DLG5: variants seen among roughly 807,000 people sequenced by gnomAD.
The protein encoded by DLG5 is discs large MAGUK scaffold protein 5.
In DLG5, 48 loss-of-function variants were observed where a neutral mutation model predicts 189.8. The observed-to-expected ratio is 0.25, with a 90% CI of 0.20 to 0.32. DLG5 has a LOEUF of 0.32. Among genes scored for constraint, DLG5 ranks in the 10% least tolerant of loss-of-function variants. The pLI is 1.00. For missense variants in DLG5, 2,160 were observed against 2,544.7 expected (o/e 0.85, Z 3.25); for synonymous variants, 1,016 against 1,054.1 (o/e 0.96, Z 0.70).
At chr10:77,835,509 C>A (rs974214469) in intron 8 of DLG5, among the ~76,000 whole-genome samples, 3 of 152,214 alleles carry the variant, frequency 2.0e-5, no homozygotes. Flanking sequence ...GGACATAGTA[C>A]ACACTTGGGA....
chr10:77,837,746 C>T (rs1318421657), intron 7 of DLG5, among the ~76,000 whole-genome samples: 1 of 152,230 alleles, frequency 6.6e-6, no homozygotes, highest in Non-Finnish European at 1.5e-5. Context: ...GTACTGGCTC[C>T]TCTACCCCAG....
Position 77,812,201 on chromosome 10 carries a change from C to A in DLG5, c.4188+14G>T. Reference sequence around the variant, plus strand: ...TTTCCATGGGCGCCATGCAGGAGGGCAGCTCCCTCTCACCTCCAGTAACTG... The same window carrying A: ...TTTCCATGGGCGCCATGCAGGAGGGAAGCTCCCTCTCACCTCCAGTAACTG... On this transcript the variant is annotated intron_variant, in intron 21 of 31. Coordinates refer to ENST00000372391, the MANE Select transcript of DLG5 (RefSeq NM_004747.4). 1 of 1,608,782 alleles carries A rather than the reference C, an allele frequency of 6.2e-7. No individual in the cohort carries two copies. Among genetic ancestry groups the A allele is most frequent in the Non-Finnish European group, 8.5e-7 (1 of 1,176,220 alleles).
At chr10:77,899,202 C>A (rs1056526755) in intron 1 of DLG5, among the ~76,000 whole-genome samples, 10 of 152,304 alleles carry the variant, frequency 6.6e-5, no homozygotes, top group African/African-American at 2.4e-4. Context: ...AGGCAGCCAT[C>A]CAGGCCCTCC....
chr10:77,900,451 T>G (rs991074930), intron 1 of DLG5, among the ~76,000 whole-genome samples: 4 of 152,178 alleles, frequency 2.6e-5, no homozygotes, highest in Non-Finnish European at 5.9e-5. Flanking sequence ...TGCTCTCAAG[T>G]TATCTCCTTC....
Position 77,914,600 on chromosome 10 carries a change from A to G in DLG5, c.304+11617T>C, listed in dbSNP as rs147820331. Reference sequence around the variant, plus strand: ...GACATTCAGATGTCTCCAGTCCCGCAGCCTTGCTCCCTGGCTCCAAACCCA... The same window carrying G: ...GACATTCAGATGTCTCCAGTCCCGCGGCCTTGCTCCCTGGCTCCAAACCCA... On this transcript the variant is annotated intron_variant, in intron 1 of 31. Coordinates refer to ENST00000372391, the MANE Select transcript of DLG5 (RefSeq NM_004747.4). Among the ~76,000 whole-genome samples the G allele has an allele frequency of 4.1e-3, 626 of 152,206 alleles. 4 individuals carry two copies. Among genetic ancestry groups the G allele is most frequent in the Middle Eastern group, 0.024 (7 of 294 alleles).
At chr10:77,867,785 T>C in intron 2 of DLG5, 1 of 363,002 alleles carries the variant, frequency 2.8e-6, no homozygotes. Context: ...AAAAGGGGAG[T>C]CCCGAGAGGG....
the DLG5 span, among the ~76,000 whole-genome samples, chr10:77,939,325 A>C: frequency 6.6e-6 from 1 of 152,182 alleles, no homozygotes; most frequent in Non-Finnish European, 1.5e-5. Context: ...CCAGATGGAA[A>C]GGGGGCCCAT....
At chr10:77,797,337 C>A (rs776975732) in intron 27 of DLG5, among the ~76,000 whole-genome samples, 3 of 152,226 alleles carry the variant, frequency 2.0e-5, no homozygotes, top group Admixed American at 6.5e-5. Context: ...CCAGCAAGAT[C>A]TTCCTGGCGT....
chr10:77,791,403 T>C lies in DLG5; in HGVS notation c.*1037A>G, dbSNP rs953821832. On this transcript the variant is annotated 3_prime_UTR_variant, in exon 32 of 32. Coordinates refer to ENST00000372391, the MANE Select transcript of DLG5 (RefSeq NM_004747.4). ...CACTGAGTAGGGTGCATGCCGTGAG[T>C]GCTGTAATCAAGATTAAAAAGACCT... is the stretch of plus-strand genomic sequence containing the variant. The C allele has an allele frequency of 6.6e-6, 1 of 151,148 alleles. No homozygotes were observed. Among genetic ancestry groups the C allele is most frequent in the African/African-American group, 2.4e-5 (1 of 40,946 alleles). The allele number at this position is 151,148 out of a possible 1,614,324, so 9.4% of individuals were successfully genotyped here. A position where few individuals can be genotyped will look rare whatever the true frequency, so the allele number is the denominator to read the frequency against.
Position 77,843,556 on chromosome 10 carries a change from C to T in DLG5, c.1015G>A (p.Glu339Lys). The change falls in exon 6 of 32, where the codon GAG becomes AAG. Residue 339 changes from glutamate (E) to lysine (K), a missense_variant. Around this residue, in one of 5 missense-constraint regions of DLG5, gnomAD observed 664 missense variants for 838.5 expected, o/e 0.79. Coordinates refer to ENST00000372391, the MANE Select transcript of DLG5 (RefSeq NM_004747.4). ...AIHNADLSRL[E>K]QLGEENQRLL... ...CGCTGGTTCTCCTCCCCCAGCTGCT[C>T]CAGGCGGCTCAGGTCTGCATTGTGG... 6.2e-7 allele frequency: 1 copy of T among 1,614,192 alleles called. No individual in the cohort carries two copies. Among genetic ancestry groups the T allele is most frequent in the Non-Finnish European group, 8.5e-7 (1 of 1,180,044 alleles).
chr10:77,932,870 G>A, the DLG5 span, among the ~76,000 whole-genome samples: 3 of 152,102 alleles, frequency 2.0e-5, no homozygotes, highest in Non-Finnish European at 4.4e-5. Context: ...TCAGGTGACT[G>A]AGGAGGAGGA....
Position 77,811,079 on chromosome 10 carries a change from G to C in DLG5, c.4463+15C>G. On this transcript the variant is annotated intron_variant, in intron 23 of 31. Coordinates refer to ENST00000372391, the MANE Select transcript of DLG5 (RefSeq NM_004747.4). ...GAAGCGGACACAGGGAAGGCTCACA[G>C]CAACGTCTGCTGACCTGGAGCTGCT... 1 of 1,609,294 alleles carries C rather than the reference G, an allele frequency of 6.2e-7. No individual in the cohort carries two copies. The highest frequency in any genetic ancestry group is 8.5e-7 in the Non-Finnish European group (1 of 1,179,288).
chr10:77,905,816 C>T (rs1328073358), intron 1 of DLG5, among the ~76,000 whole-genome samples: 1 of 152,232 alleles, frequency 6.6e-6, no homozygotes, highest in East Asian at 1.9e-4. Context: ...TCCCTCCCCT[C>T]ACCCACAGTC....
intron 2 of DLG5, 154 bp downstream of exon 2, chr10:77,868,975 G>T: frequency 1.5e-6 from 1 of 666,182 alleles, no homozygotes; most frequent in South Asian, 1.8e-5. Context: ...GGTTTCTGAT[G>T]ATGGGAGAAA....
chr10:77,893,823 G>A (rs1013820336), intron 1 of DLG5, among the ~76,000 whole-genome samples: 30 of 152,202 alleles, frequency 2.0e-4, no homozygotes, highest in Admixed American at 1.2e-3. Flanking sequence ...GGGGGATGGG[G>A]GAAGGGACAG....
chr10:77,939,384 A>G, the DLG5 span, among the ~76,000 whole-genome samples: 1 of 152,186 alleles, frequency 6.6e-6, no homozygotes, highest in Non-Finnish European at 1.5e-5. Flanking sequence ...GAAGCCAGAA[A>G]CAGCTGGCTA....
At chr10:77,922,909 C>A (rs1846578604) in intron 1 of DLG5, among the ~76,000 whole-genome samples, 2 of 152,228 alleles carry the variant, frequency 1.3e-5, no homozygotes, top group Non-Finnish European at 2.9e-5. Context: ...GCAAGAGTTG[C>A]CCCGATGGGT....
At chr10:77,911,986 G>T (rs1173694164) in intron 1 of DLG5, among the ~76,000 whole-genome samples, 3 of 150,888 alleles carry the variant, frequency 2.0e-5, no homozygotes, top group African/African-American at 7.3e-5. Flanking sequence ...ATCACTTAAG[G>T]CCAGGAGTTC....
At chr10:77,934,442 C>G in the DLG5 span, among the ~76,000 whole-genome samples, 2 of 151,498 alleles carry the variant, frequency 1.3e-5, no homozygotes, top group Admixed American at 1.3e-4. Flanking sequence ...CCTTGAGTAT[C>G]CAGGCAGGCA....
Sources: gnomAD v4.1 joint callset for allele counts (sites outside exome capture counted in the v4.1 genomes callset) on GRCh38, gnomAD v4.1.1 for gene constraint, gnomAD v4.1.1 regional missense constraint, MANE v1.5 for transcripts, NCBI Gene and HGNC (gene_info 2026-07-23, HGNC 2026-07-21) for gene names.